Variants in STIM1 observed in about 807,000 individuals in gnomAD.
The protein encoded by STIM1 is stromal interaction molecule 1.
STIM1 carries 25 observed loss-of-function variants against 74.7 expected under a neutral mutation model. The observed-to-expected ratio is 0.33, with a 90% CI of 0.24 to 0.47. The LOEUF (loss-of-function observed/expected upper bound fraction) is 0.47. STIM1 is among the 20% of genes least tolerant of loss of function. STIM1 has a pLI of 1.00. For synonymous variants in STIM1, 328 were observed against 348.8 expected (o/e 0.94, Z 0.66); for missense variants, 728 against 920.8 (o/e 0.79, Z 2.71).
chr11:3,967,745 A>T (rs2093353234), intron 2 of STIM1, 63 bp downstream of exon 2: 1 of 1,608,060 alleles, frequency 6.2e-7, no homozygotes, highest in Non-Finnish European at 8.5e-7. Context: ...TTTGAAAGCT[A>T]CTTAGACAGC....
At chr11:3,979,258 C>A (rs928059838) in intron 2 of STIM1, among the ~76,000 whole-genome samples, 1 of 152,048 alleles carries the variant, frequency 6.6e-6, no homozygotes, top group African/African-American at 2.4e-5. Context: ...TGTAGACAAC[C>A]CTTAAGTGTT....
chr11:3,960,204 A>G (rs2093270829), intron 1 of STIM1, among the ~76,000 whole-genome samples: 1 of 152,318 alleles, frequency 6.6e-6, no homozygotes, highest in South Asian at 2.1e-4. Flanking sequence ...TACTTGATAG[A>G]TAACTATGGT....
At chr11:3,971,258 G>A (rs1013738671) in intron 2 of STIM1, among the ~76,000 whole-genome samples, 22 of 150,732 alleles carry the variant, frequency 1.5e-4, no homozygotes, top group African/African-American at 5.1e-4. Context: ...GGCCGGGCAC[G>A]GTGGCTCACG....
chr11:4,013,603 C>A (rs1288797373), intron 2 of STIM1, among the ~76,000 whole-genome samples: 1 of 150,396 alleles, frequency 6.6e-6, no homozygotes, highest in Non-Finnish European at 1.5e-5. Flanking sequence ...TGGCGATATC[C>A]CCTTTATCAT....
In STIM1 at chr11:4,070,216, C is replaced by A; in HGVS notation, c.791+13C>A. The A allele has an allele frequency of 6.2e-7, 1 of 1,613,510 alleles. No individual in the cohort carries two copies. The highest frequency in any genetic ancestry group is 8.5e-7 in the Non-Finnish European group (1 of 1,179,968). ...ACCTTCAGGAAAGGTAAGGCCTGCC[C>A]CTTCAGGAAAGGTGAGGCCCTGCCA... is the stretch of plus-strand genomic sequence containing the variant. On this transcript the variant is annotated intron_variant, in intron 6 of 12. Coordinates refer to ENST00000526596, the MANE Select transcript of STIM1 (RefSeq NM_001382567.1).
intron 1 of STIM1, among the ~76,000 whole-genome samples, chr11:3,928,227 A>ATT (rs373423422): frequency 1.6e-4 from 23 of 140,650 alleles, no homozygotes; most frequent in African/African-American, 2.9e-4. Flanking sequence ...GTAACAGTCC[A>ATT]TTTTTTTTTT....
intron 1 of STIM1, among the ~76,000 whole-genome samples, chr11:3,938,637 A>T (rs1195722579): frequency 6.6e-6 from 1 of 152,298 alleles, no homozygotes; most frequent in East Asian, 1.9e-4. Flanking sequence ...ACCTGAGGTC[A>T]GGAGTTTGAG....
At position 3,994,065 on chromosome 11, in the gene STIM1, A is replaced by G. The variant is rs1177540222; in HGVS notation, c.270+26383A>G. The stretch of plus-strand genomic sequence containing the variant: ...TTTTTGTAAGGTGTGTCAGTTAGCA[A>G]TGAATTTTCTCAGTGTTTGTTTATC... On this transcript the variant is annotated intron_variant, in intron 2 of 12. Coordinates refer to ENST00000526596, the MANE Select transcript of STIM1 (RefSeq NM_001382567.1). 3.3e-5 allele frequency among the ~76,000 whole-genome samples: 5 copies of G among 152,274 alleles called. No individual in the cohort carries two copies. The South Asian group carries it at 1.0e-3, about 32-fold the overall frequency.
At chr11:3,998,664 G>C (rs539331621) in intron 2 of STIM1, among the ~76,000 whole-genome samples, 2 of 152,214 alleles carry the variant, frequency 1.3e-5, no homozygotes, top group Non-Finnish European at 2.9e-5. Context: ...GAGTTGCTTA[G>C]GGAGAGTAAG....
At chr11:3,988,758 A>C (rs1376255248) in intron 2 of STIM1, among the ~76,000 whole-genome samples, 1 of 152,238 alleles carries the variant, frequency 6.6e-6, no homozygotes, top group Admixed American at 6.5e-5. Flanking sequence ...TTCTACTAAA[A>C]AATAACATGG....
chr11:4,024,005 C>A lies in STIM1; in HGVS notation c.385+18C>A. On this transcript the variant is annotated intron_variant, in intron 3 of 12. Transcript: ENST00000526596. ...ATCAGAAGGTAATAGGCAGCCTGGT[C>A]ATCAATCCTAGTTGTGGGAAGGTTT... 1.3e-6 allele frequency: 2 copies of A among 1,598,920 alleles called. No individual in the cohort carries two copies. Among genetic ancestry groups the A allele is most frequent in the South Asian group, 2.2e-5 (2 of 90,672 alleles).
intron 12 of STIM1, chr11:4,086,808 C>A: frequency 5.2e-6 from 8 of 1,536,568 alleles, no homozygotes; most frequent in Non-Finnish European, 7.0e-6. Flanking sequence ...CCTACCCTGA[C>A]ACACCCCCTT....
intron 1 of STIM1, among the ~76,000 whole-genome samples, chr11:3,908,738 T>G (rs1255726548): frequency 6.6e-6 from 1 of 152,206 alleles, no homozygotes; most frequent in African/African-American, 2.4e-5. Context: ...CTTATAAATA[T>G]TGTTGCTTTG....
chr11:4,039,592 A>C (rs1184550325), intron 3 of STIM1, among the ~76,000 whole-genome samples: 6 of 151,250 alleles, frequency 4.0e-5, no homozygotes, highest in Non-Finnish European at 4.4e-5. Flanking sequence ...TCTCAAAAAA[A>C]AAAAAAAAAA....
intron 3 of STIM1, among the ~76,000 whole-genome samples, chr11:4,048,882 C>T (rs1024786587): frequency 1.9e-4 from 29 of 151,926 alleles, no homozygotes; most frequent in African/African-American, 5.8e-4. Context: ...TATAGGTGCC[C>T]GCCACCACGC....
At chr11:3,889,766 G>C (rs936606494) in intron 1 of STIM1, among the ~76,000 whole-genome samples, 4 of 152,074 alleles carry the variant, frequency 2.6e-5, no homozygotes, top group African/African-American at 9.7e-5. Flanking sequence ...AGTATTGTTG[G>C]GTGAGTGGGG....
At chr11:4,039,058 C>T (rs1202095802) in intron 3 of STIM1, among the ~76,000 whole-genome samples, 1 of 152,004 alleles carries the variant, frequency 6.6e-6, no homozygotes, top group Non-Finnish European at 1.5e-5. Context: ...GTAGGAGTAG[C>T]GATAAGCTTA....
At chr11:3,895,460 G>A (rs1259328707) in intron 1 of STIM1, among the ~76,000 whole-genome samples, 2 of 152,062 alleles carry the variant, frequency 1.3e-5, no homozygotes, top group Admixed American at 1.3e-4. Context: ...GCACTTTTTG[G>A]TCACTTACCC....
At chr11:3,983,623 A>G (rs2093528503) in intron 2 of STIM1, among the ~76,000 whole-genome samples, 1 of 152,186 alleles carries the variant, frequency 6.6e-6, no homozygotes, top group African/African-American at 2.4e-5. Flanking sequence ...AAAGACAGCC[A>G]GCCAAGTGGC....
Sources: gnomAD v4.1 joint callset for allele counts (sites outside exome capture counted in the v4.1 genomes callset) on GRCh38, gnomAD v4.1.1 for gene constraint, MANE v1.5 for transcripts, NCBI Gene and HGNC (gene_info 2026-07-23, HGNC 2026-07-21) for gene names.